CCN4: variants seen among roughly 807,000 people sequenced by gnomAD.
The protein encoded by CCN4 is CCN family member 4.
A neutral mutation model predicts 36.7 loss-of-function variants in CCN4; 30 were observed. The observed-to-expected ratio is 0.82, with a 90% CI of 0.61 to 1.11. CCN4 has a LOEUF of 1.11. Ranked by LOEUF, CCN4 falls within the 50% of genes least tolerant of loss-of-function variation. The pLI is 0.00. For synonymous variants in CCN4, 191 were observed against 195.4 expected (o/e 0.98, Z 0.19); for missense variants, 505 against 504.9 (o/e 1.00, Z 0.00).
At chr8:133,197,072 A>AATG (rs928835132) in intron 1 of CCN4, among the ~76,000 whole-genome samples, 11 of 151,924 alleles carry the variant, frequency 7.2e-5, no homozygotes, top group South Asian at 2.1e-4. Flanking sequence ...AGGAGAAAGA[A>AATG]ATGATGATGA....
chr8:133,192,213 A>C (rs987514365), intron 1 of CCN4, among the ~76,000 whole-genome samples: 1 of 152,190 alleles, frequency 6.6e-6, no homozygotes, highest in Non-Finnish European at 1.5e-5. Flanking sequence ...CCCTTCACAG[A>C]TAAGGAAACC....
chr8:133,195,794 G>T (rs757484945), intron 1 of CCN4, among the ~76,000 whole-genome samples: 14 of 152,212 alleles, frequency 9.2e-5, no homozygotes. Context: ...TTTTAGAAAA[G>T]GCTCCGGCCC....
chr8:133,194,365 GGT>G (rs1853238172), intron 1 of CCN4, among the ~76,000 whole-genome samples: 1 of 110,292 alleles, frequency 9.1e-6, no homozygotes, highest in Non-Finnish European at 1.9e-5. Context: ...GGTGTGTGGG[GGT>G]GTGTGTGTGG....
rs1304091328 is a variant in CCN4, at chr8:133,227,593, C to T, written c.987C>T (p.Gly329=). The stretch of plus-strand genomic sequence containing the variant: ...CCTTCCAGTGTCCTGATGGGCTTGG[C>T]TTCTCCCGCCAGGTCCTATGGATTA... The part of the protein sequence containing the change: ...DVSFQCPDGL[G]FSRQVLWINA... The change falls in exon 5 of 5, where the codon GGC becomes GGT. Residue 329 remains glycine (G), a synonymous_variant. Coordinates refer to ENST00000250160, the MANE Select transcript of CCN4 (RefSeq NM_003882.4). 2 of 1,614,246 alleles carry T rather than the reference C, an allele frequency of 1.2e-6. No individual in the cohort carries two copies. The highest frequency in any genetic ancestry group is 1.7e-5 in the Admixed American group (1 of 60,028).
At chr8:133,200,352 G>T (rs371800395) in intron 1 of CCN4, among the ~76,000 whole-genome samples, 1 of 152,194 alleles carries the variant, frequency 6.6e-6, no homozygotes, top group African/African-American at 2.4e-5. Context: ...ACTGGAAGAC[G>T]ATCCCCACTA....
chr8:133,194,696 GA>G (rs1853285035), intron 1 of CCN4, among the ~76,000 whole-genome samples: 5 of 67,760 alleles, frequency 7.4e-5, no homozygotes, highest in Non-Finnish European at 1.5e-4. Context: ...TGTGTGTGTG[GA>G]GGGTGTGTGT....
chr8:133,220,920 G>A (rs1854504443), intron 3 of CCN4, 79 bp downstream of exon 3: 2 of 1,501,994 alleles, frequency 1.3e-6, no homozygotes, highest in Admixed American at 4.3e-5. Context: ...GACCACCATA[G>A]AATGACTCAT....
intron 2 of CCN4, among the ~76,000 whole-genome samples, chr8:133,220,311 C>T (rs1195286298): frequency 2.0e-5 from 3 of 152,212 alleles, no homozygotes; most frequent in Admixed American, 6.5e-5. Flanking sequence ...AGCCAAGTCC[C>T]TCGGGAGGCT....
In CCN4 at chr8:133,191,098, G is replaced by A. The variant is rs201515187; in HGVS notation, c.-47G>A. 4.7e-4 allele frequency: 753 copies of A among 1,599,626 alleles called. 2 individuals carry two copies. In the African/African-American group the frequency reaches 8.6e-3, roughly 18 times the overall value. ...GCCCAGCTCCCCCGAGAGGTGGTCG[G>A]ATCCTCTGGGCTGCTCGGTCGATGC... On this transcript the variant is annotated 5_prime_UTR_variant, in exon 1 of 5. Coordinates refer to ENST00000250160, the MANE Select transcript of CCN4 (RefSeq NM_003882.4).
In CCN4 at chr8:133,191,144, C is replaced by T. The variant is rs1373174334; in HGVS notation, c.-1C>T. 3.1e-6 allele frequency: 5 copies of T among 1,606,614 alleles called. No individual in the cohort carries two copies. Among genetic ancestry groups the T allele is most frequent in the Middle Eastern group, 3.5e-4 (2 of 5,702 alleles). Reference sequence around the variant, plus strand: ...GATGCCTGTGCCACTGACGTCCAGGCATGAGGTGGTTCCTGCCCTGGACGC... The same window carrying T: ...GATGCCTGTGCCACTGACGTCCAGGTATGAGGTGGTTCCTGCCCTGGACGC... On this transcript the variant is annotated 5_prime_UTR_variant, in exon 1 of 5. Transcript: ENST00000250160.
At position 133,227,521 on chromosome 8, in the gene CCN4, G is replaced by A; in HGVS notation, c.915G>A (p.Met305Ile). 1 of 1,614,178 alleles carries A rather than the reference G, an allele frequency of 6.2e-7. No individual in the cohort carries two copies. The highest frequency in any genetic ancestry group is 8.5e-7 in the Non-Finnish European group (1 of 1,180,026). Residue 305 changes from methionine (M) to isoleucine (I), a missense_variant, in exon 5 of 5, where the codon ATG becomes ATA. Physicochemically the swap from Met to Ile is conservative, Grantham distance 10 (BLOSUM62 1). Coordinates refer to ENST00000250160, the MANE Select transcript of CCN4 (RefSeq NM_003882.4). The stretch of plus-strand genomic sequence containing the variant: ...AACCCAAGTACTGTGGAGTTTGCAT[G>A]GACAATAGGTGCTGCATCCCCTACA... ...SYQPKYCGVC[M>I]DNRCCIPYKS...
intron 2 of CCN4, among the ~76,000 whole-genome samples, chr8:133,215,656 C>T (rs1008691521): frequency 3.9e-5 from 6 of 152,054 alleles, no homozygotes; most frequent in Non-Finnish European, 4.4e-5. Flanking sequence ...ATCTTAGGTC[C>T]TGCCTTGACC....
intron 1 of CCN4, among the ~76,000 whole-genome samples, chr8:133,205,203 AG>A (rs1853725527): frequency 6.6e-6 from 1 of 152,246 alleles, no homozygotes; most frequent in Non-Finnish European, 1.5e-5. Flanking sequence ...TGCCAGCAGA[AG>A]CACCGCAGAG....
chr8:133,197,838 T>C (rs1853444960), intron 1 of CCN4, among the ~76,000 whole-genome samples: 1 of 152,080 alleles, frequency 6.6e-6, no homozygotes, highest in Non-Finnish European at 1.5e-5. Flanking sequence ...GGAATCCTGC[T>C]CTGAGTCTGG....
At chr8:133,198,126 C>A (rs1295359827) in intron 1 of CCN4, among the ~76,000 whole-genome samples, 1 of 152,184 alleles carries the variant, frequency 6.6e-6, no homozygotes, top group Non-Finnish European at 1.5e-5. Context: ...CCAGCTGGAG[C>A]TGCCATATAT....
At chr8:133,194,152 G>T (rs1220560051) in intron 1 of CCN4, among the ~76,000 whole-genome samples, 1 of 152,100 alleles carries the variant, frequency 6.6e-6, no homozygotes, top group African/African-American at 2.4e-5. Context: ...CTATGTATAG[G>T]TCTACAGGTA....
chr8:133,225,530 A>C lies in CCN4; in HGVS notation c.751A>C (p.Ser251Arg). 1 of 1,613,430 alleles carries C rather than the reference A, an allele frequency of 6.2e-7. No homozygotes were observed. ...VNAQCWPEQE[S>R]RLCNLRPCDV... ...CGCCCAGTGCTGGCCTGAGCAAGAG[A>C]GCCGCCTCTGCAACTTGCGGCCATG... The change falls in exon 4 of 5, where the codon AGC becomes CGC. Residue 251 changes from serine to arginine, a missense_variant. Coordinates refer to ENST00000250160, the MANE Select transcript of CCN4 (RefSeq NM_003882.4).
At position 133,230,834 on chromosome 8, in the gene CCN4, T is replaced by C. The variant is rs982225135; in HGVS notation, c.*3124T>C. On this transcript the variant is annotated 3_prime_UTR_variant, in exon 5 of 5. Transcript: ENST00000250160. ...ATACACCAAGCCTTGTGGAAGGTGC[T>C]TTCCTGCCATATCTCATTTAATCCT... The C allele has an allele frequency of 5.3e-5, 8 of 152,378 alleles. No homozygotes were observed. The highest frequency in any genetic ancestry group is 1.9e-4 in the East Asian group (1 of 5,190). The allele number at this position is 152,378 out of a possible 1,614,324, so 9.4% of individuals were successfully genotyped here.
chr8:133,194,668 GATGTGGTGTGT>G (rs1447013303), intron 1 of CCN4, among the ~76,000 whole-genome samples: 1 of 112,960 alleles, frequency 8.9e-6, no homozygotes, highest in African/African-American at 3.6e-5. Context: ...TGTGGTGGGG[GATGTGGTGTGT>G]GTGTGGTGTG....
Sources: allele counts gnomAD v4.1 joint callset (sites outside exome capture counted in the v4.1 genomes callset), GRCh38; gene constraint gnomAD v4.1.1; transcripts MANE v1.5; gene names NCBI Gene and HGNC (gene_info 2026-07-23, HGNC 2026-07-21).